FAM151A: variants seen among roughly 807,000 people sequenced by gnomAD.
The protein encoded by FAM151A is family with sequence similarity 151 member A, also known as protein FAM151A.
A neutral mutation model predicts 40.4 loss-of-function variants in FAM151A; 41 were observed. That is an observed-to-expected ratio of 1.01 (90% confidence interval 0.79 to 1.32). The LOEUF (loss-of-function observed/expected upper bound fraction) is 1.32. Ranked by LOEUF, FAM151A falls within the 40% of genes most tolerant of loss-of-function variation. The pLI is 0.00. For missense variants in FAM151A, 740 were observed against 740.4 expected (o/e 1.00, Z 0.01); for synonymous variants, 337 against 312.5 (o/e 1.08, Z -0.83).
chr1:54,618,412 G>A (rs1171602994), intron 2 of FAM151A, among the ~76,000 whole-genome samples: 1 of 152,070 alleles, frequency 6.6e-6, no homozygotes, highest in Admixed American at 6.6e-5. Flanking sequence ...GCTAAGGCAG[G>A]AAGAATCACT....
At chr1:54,612,261 C>T (rs997849386) in intron 5 of FAM151A, among the ~76,000 whole-genome samples, 4 of 151,844 alleles carry the variant, frequency 2.6e-5, no homozygotes, top group Middle Eastern at 3.4e-3. Context: ...AAATATTTTC[C>T]AGAGGGCAGA....
intron 3 of FAM151A, 120 bp from the exon 4 acceptor site, chr1:54,614,979 G>A (rs1374183907): frequency 1.0e-6 from 1 of 992,270 alleles, no homozygotes; most frequent in African/African-American, 1.8e-5. Context: ...GTGGAGTCAG[G>A]GGAGGGCGGA....
At chr1:54,610,028 TA>T (rs1356513896) in intron 7 of FAM151A, 87 bp from the exon 8 acceptor site, 2 of 1,480,774 alleles carry the variant, frequency 1.4e-6, no homozygotes, top group East Asian at 4.7e-5. Context: ...CAGTGGGAGT[TA>T]TGGGGTCATC....
intron 1 of FAM151A, among the ~76,000 whole-genome samples, chr1:54,620,255 TAAGG>T (rs1157677507): frequency 3.3e-5 from 5 of 152,192 alleles, no homozygotes; most frequent in Admixed American, 2.0e-4. Context: ...AGGGAACACT[TAAGG>T]AAGACCTTGA....
At position 54,609,713 on chromosome 1, in the gene FAM151A, T is replaced by C; in HGVS notation, c.1313A>G (p.His438Arg). The change falls in exon 8 of 8, where the codon CAT becomes CGT. Residue 438 changes from histidine to arginine, a missense_variant. Physicochemically the swap from His to Arg is conservative, Grantham distance 29. Coordinates refer to ENST00000302250, the MANE Select transcript of FAM151A (RefSeq NM_176782.3). ...LARLSSLGLL[H>R]WPVWVGAKIS... is the part of the protein sequence containing the mutation. ...TTTGGCCCCAACCCACACAGGCCAA[T>C]GCAAGAGGCCAAGGCTGGAGAGGCG... 6.2e-7 allele frequency: 1 copy of C among 1,614,060 alleles called. No homozygotes were observed. Among genetic ancestry groups the C allele is most frequent in the Non-Finnish European group, 8.5e-7 (1 of 1,179,992 alleles).
chr1:54,618,241 G>A (rs1302939400), intron 2 of FAM151A, among the ~76,000 whole-genome samples: 2 of 152,116 alleles, frequency 1.3e-5, no homozygotes, highest in African/African-American at 4.8e-5. Flanking sequence ...CGGTGGCTCA[G>A]ACCTGTAATC....
rs1469308154 is a variant in FAM151A, at chr1:54,612,552, G to A, written c.734C>T (p.Pro245Leu). 1 of 1,614,086 alleles carries A rather than the reference G, an allele frequency of 6.2e-7. No individual in the cohort carries two copies. Among genetic ancestry groups the A allele is most frequent in the Non-Finnish European group, 8.5e-7 (1 of 1,180,028 alleles). ...AGCCCGCACCATGGAAGACCGTACAGGGAAGGTGACCCTCTGGGGCACTCC... is the reference window on the plus strand; with the variant it reads ...AGCCCGCACCATGGAAGACCGTACAAGGAAGGTGACCCTCTGGGGCACTCC... ...VGGVPQRVTF[P>L]VRSSMVRAAW... The change falls in exon 5 of 8, where the codon CCT (proline) becomes CTT (leucine). Residue 245 changes from proline to leucine, a missense_variant. By Grantham distance (98) the Pro-to-Leu change is moderately conservative. Transcript: ENST00000302250.
chr1:54,609,328 G>A lies in FAM151A; in HGVS notation c.1698C>T (p.Val566=). ...LAARAVDRTR[V]YYRLPQGYHK... ...GGTAGCCCTGGGGTAGCCTGTAGTA[G>A]ACTCGGGTCCTGTCCACAGCCCTAG... Residue 566 remains valine, a synonymous_variant, in exon 8 of 8, where the codon GTC becomes GTT. Transcript: ENST00000302250. 6.2e-7 allele frequency: 1 copy of A among 1,613,636 alleles called. No individual in the cohort carries two copies. The highest frequency in any genetic ancestry group is 2.2e-5 in the East Asian group (1 of 44,872).
chr1:54,615,361 G>A (rs1239203840), intron 3 of FAM151A, among the ~76,000 whole-genome samples: 1 of 152,166 alleles, frequency 6.6e-6, no homozygotes, highest in Non-Finnish European at 1.5e-5. Context: ...GCCAGGCCAA[G>A]ATCACACTTT....
Position 54,609,717 on chromosome 1 carries a change from A to G in FAM151A, c.1309T>C (p.Leu437=). 6.2e-7 allele frequency: 1 copy of G among 1,614,126 alleles called. No homozygotes were observed. The highest frequency in any genetic ancestry group is 8.5e-7 in the Non-Finnish European group (1 of 1,180,008). ...LLARLSSLGL[L]HWPVWVGAKI... Reference sequence around the variant, plus strand: ...GCCCCAACCCACACAGGCCAATGCAAGAGGCCAAGGCTGGAGAGGCGTGCC... The same window carrying G: ...GCCCCAACCCACACAGGCCAATGCAGGAGGCCAAGGCTGGAGAGGCGTGCC... The change falls in exon 8 of 8, where the codon TTG becomes CTG. Residue 437 remains leucine (L), a synonymous_variant. Transcript: ENST00000302250.
At position 54,610,548 on chromosome 1, in the gene FAM151A, G is replaced by A. The variant is rs1450211490; in HGVS notation, c.948C>T (p.Ala316=). Residue 316 remains alanine, a synonymous_variant, in exon 7 of 8, where the codon GCC becomes GCT. Transcript: ENST00000302250. ...CCGTGTAGTACATTGGTTTCCGTGT[G>A]GCATTCACTGTGGGGCCCCAAATCG... ...LSQFKQLALN[A]TRKPMYYTGG... is the part of the protein sequence containing the mutation. 1.2e-6 allele frequency: 2 copies of A among 1,611,452 alleles called. No homozygotes were observed. The highest frequency in any genetic ancestry group is 1.1e-5 in the South Asian group (1 of 90,838).
chr1:54,609,734 A>T lies in FAM151A; in HGVS notation c.1292T>A (p.Leu431His). The stretch of plus-strand genomic sequence containing the variant: ...CCAATGCAAGAGGCCAAGGCTGGAG[A>T]GGCGTGCCAGCAAGGCCAGGGATGG... ...LRPSLALLAR[L>H]SSLGLLHWPV... Residue 431 changes from leucine (L) to histidine (H), a missense_variant, in exon 8 of 8, where the codon CTC becomes CAC. By Grantham distance (99) the Leu-to-His change is moderately conservative (BLOSUM62 -3). Transcript: ENST00000302250. 2 of 1,614,172 alleles carry T rather than the reference A, an allele frequency of 1.2e-6. No homozygotes were observed. The highest frequency in any genetic ancestry group is 2.2e-5 in the South Asian group (2 of 91,086).
Position 54,614,793 on chromosome 1 carries a change from G to C in FAM151A, c.482C>G (p.Thr161Arg). The C allele has an allele frequency of 6.2e-7, 1 of 1,614,162 alleles. No individual in the cohort carries two copies. The highest frequency in any genetic ancestry group is 1.6e-4 in the Middle Eastern group (1 of 6,062). Residue 161 changes from threonine (T) to arginine (R), a missense_variant, in exon 4 of 8, where the codon ACA (threonine) becomes AGA (arginine). Thr to Arg is a moderately conservative substitution (Grantham distance 71). Transcript: ENST00000302250. ...GGGCCGCCGGACTTTGCCTTCCTCT[G>C]TCAGCTGCCGCAGGAGGTCCAGGGA... Reference protein sequence around the residue: ...GPSLDLLRQLTEEGKVRRPIW... With the variant: ...GPSLDLLRQLREEGKVRRPIW...
At chr1:54,619,155 G>A (rs1487352478) in intron 2 of FAM151A, among the ~76,000 whole-genome samples, 1 of 152,200 alleles carries the variant, frequency 6.6e-6, no homozygotes, top group East Asian at 1.9e-4. Context: ...GGTGGGGCCA[G>A]CAGCCTGTGT....
At chr1:54,611,959 AG>A (rs1644123092) in intron 5 of FAM151A, among the ~76,000 whole-genome samples, 1 of 151,640 alleles carries the variant, frequency 6.6e-6, no homozygotes, top group African/African-American at 2.4e-5. Context: ...CCCAGGAGGG[AG>A]GGGGAGCCTG....
chr1:54,623,462 G>A lies in FAM151A; in HGVS notation c.-67C>T. 1 of 1,213,070 alleles carries A rather than the reference G, an allele frequency of 8.2e-7. No homozygotes were observed. The highest frequency in any genetic ancestry group is 1.2e-6 in the Non-Finnish European group (1 of 827,030). The allele number at this position is 1,213,070 out of a possible 1,614,324, so 75.1% of individuals were successfully genotyped here. Reference sequence around the variant, plus strand: ...AGAGTCCCTGAGGCTCCCTGCAGCTGGAATCCTGTGGGAGGCAGGAGCTCC... The same window carrying A: ...AGAGTCCCTGAGGCTCCCTGCAGCTAGAATCCTGTGGGAGGCAGGAGCTCC... On this transcript the variant is annotated 5_prime_UTR_variant, in exon 1 of 8. Coordinates refer to ENST00000302250, the MANE Select transcript of FAM151A (RefSeq NM_176782.3).
At chr1:54,618,697 A>C (rs1644199451) in intron 2 of FAM151A, among the ~76,000 whole-genome samples, 1 of 152,014 alleles carries the variant, frequency 6.6e-6, no homozygotes, top group African/African-American at 2.4e-5. Flanking sequence ...AGGGAAGGGG[A>C]CATGGAGTCA....
At chr1:54,610,981 AC>A in intron 6 of FAM151A, 4 of 985,392 alleles carry the variant, frequency 4.1e-6, no homozygotes, top group Non-Finnish European at 4.8e-6. Context: ...CATTAGAGTA[AC>A]CAGCAGTGGA....
chr1:54,619,452 A>G (rs61770425), intron 2 of FAM151A, among the ~76,000 whole-genome samples: 32,822 of 152,068 alleles, frequency 0.22, 3,554 homozygotes, highest in Non-Finnish European at 0.23. Flanking sequence ...CATGAAACAG[A>G]TTGCATGGTA....
Sources: allele counts gnomAD v4.1 joint callset (sites outside exome capture counted in the v4.1 genomes callset), GRCh38; gene constraint gnomAD v4.1.1; transcripts MANE v1.5; gene names NCBI Gene and HGNC (gene_info 2026-07-23, HGNC 2026-07-21).